CBFA2T3: variants seen among roughly 807,000 people sequenced by gnomAD.
CBFA2T3 encodes the protein CBFA2/RUNX1 partner transcriptional co-repressor 3.
CBFA2T3 carries 31 observed loss-of-function variants against 58.6 expected under a neutral mutation model. The observed-to-expected ratio is 0.53, with a 90% confidence interval of 0.40 to 0.71. CBFA2T3 has a LOEUF of 0.71. Among genes scored for constraint, CBFA2T3 ranks in the 30% least tolerant of loss-of-function variants. The pLI, the probability that CBFA2T3 is intolerant of heterozygous loss-of-function variation, is 0.00. For synonymous variants in CBFA2T3, 531 were observed against 421.9 expected, an observed-to-expected ratio of 1.26 and a Z score of -3.17; for missense variants, 1,076 against 963.1, an observed-to-expected ratio of 1.12 and a Z score of -1.55.
At chr16:88,877,300 C>T (rs1174320020) in intron 11 of CBFA2T3, 25 bp from the exon 12 acceptor site, 2 of 1,528,988 alleles carry the variant, frequency 1.3e-6, no homozygotes, top group South Asian at 1.2e-5. Context: ...AGGGGCCAGT[C>T]AGGGCTGGGT....
At chr16:88,948,423 C>G (rs975045468) in intron 1 of CBFA2T3, among the ~76,000 whole-genome samples, 1 of 152,240 alleles carries the variant, frequency 6.6e-6, no homozygotes, top group Admixed American at 6.5e-5. Flanking sequence ...AGGACCCACA[C>G]TGGCCCAAGC....
chr16:88,948,846 T>A (rs574060261), intron 1 of CBFA2T3, among the ~76,000 whole-genome samples: 5 of 152,328 alleles, frequency 3.3e-5, no homozygotes, highest in African/African-American at 1.2e-4. Context: ...TTTGTTGAAG[T>A]TCACACGAGA....
chr16:88,881,675 G>A, intron 8 of CBFA2T3, 186 bp from the exon 9 acceptor site: 1 of 582,338 alleles, frequency 1.7e-6, no homozygotes, highest in South Asian at 2.4e-5. Context: ...GCCTGGGACT[G>A]CCGAGCGCCT....
chr16:88,977,034 C>T lies in CBFA2T3; in HGVS notation c.-227G>A, dbSNP rs1453543113. On this transcript the variant is annotated 5_prime_UTR_variant, in exon 1 of 12. Transcript: ENST00000268679. ...GCCCTGGGGCTCATGTGACGCGGGGCGGGCCTGGGGCTGCAGGCTGGGGAA... is the reference window on the plus strand; with the variant it reads ...GCCCTGGGGCTCATGTGACGCGGGGTGGGCCTGGGGCTGCAGGCTGGGGAA... The T allele has an allele frequency of 1.7e-5, 8 of 467,926 alleles. No individual in the cohort carries two copies. Among genetic ancestry groups the T allele is most frequent in the Non-Finnish European group, 3.1e-5 (8 of 260,556 alleles). The allele number at this position is 467,926 out of a possible 1,614,324, so 29.0% of individuals were successfully genotyped here. A position where few individuals can be genotyped will look rare whatever the true frequency, so the allele number is the denominator to read the frequency against.
chr16:88,968,134 C>G (rs1046294442), intron 1 of CBFA2T3, among the ~76,000 whole-genome samples: 1 of 152,210 alleles, frequency 6.6e-6, no homozygotes, highest in Non-Finnish European at 1.5e-5. Flanking sequence ...TGCTGGGGCC[C>G]ACCTGGAGGA....
At chr16:88,907,217 G>A (rs970340065) in intron 1 of CBFA2T3, among the ~76,000 whole-genome samples, 8 of 152,108 alleles carry the variant, frequency 5.3e-5, no homozygotes, top group African/African-American at 1.9e-4. Flanking sequence ...GCAGAAGAAA[G>A]CATGGAATTT....
intron 1 of CBFA2T3, among the ~76,000 whole-genome samples, chr16:88,903,133 C>T (rs1158900427): frequency 1.3e-5 from 2 of 152,162 alleles, no homozygotes; most frequent in Admixed American, 6.5e-5. Flanking sequence ...CATCGTCAGA[C>T]GGAGAGATCC....
chr16:88,929,367 T>G (rs568289445), intron 1 of CBFA2T3, among the ~76,000 whole-genome samples: 1 of 152,174 alleles, frequency 6.6e-6, no homozygotes, highest in Non-Finnish European at 1.5e-5. Flanking sequence ...GAGGACCCGG[T>G]GACAGCAAGG....
intron 1 of CBFA2T3, among the ~76,000 whole-genome samples, chr16:88,949,448 A>C (rs1232345050): frequency 6.6e-6 from 1 of 151,908 alleles, no homozygotes; most frequent in Non-Finnish European, 1.5e-5. Context: ...AGTCCCAGCT[A>C]TTCGGGAGGC....
intron 3 of CBFA2T3, among the ~76,000 whole-genome samples, chr16:88,896,226 G>C (rs891726824): frequency 1.3e-5 from 2 of 152,190 alleles, no homozygotes; most frequent in African/African-American, 4.8e-5. Flanking sequence ...TTCCCTACGG[G>C]GGGGCTGCAG....
chr16:88,925,328 C>A (rs1971052360), intron 1 of CBFA2T3, among the ~76,000 whole-genome samples: 1 of 152,218 alleles, frequency 6.6e-6, no homozygotes. Context: ...GCTGCTCCCT[C>A]CTGAGCGGTG....
Position 88,905,349 on chromosome 16 carries a change from G to A in CBFA2T3, c.152-3693C>T, listed in dbSNP as rs112909909. 9.6e-3 allele frequency among the ~76,000 whole-genome samples: 1,460 copies of A among 151,900 alleles called. 22 individuals are homozygous for A. The highest frequency in any genetic ancestry group is 0.033 in the African/African-American group (1,378 of 41,292). On this transcript the variant is annotated intron_variant, in intron 1 of 11. Transcript: ENST00000268679. ...CATGCACGACCCCCCACCGCCCCTC[G>A]TTCCCTCTGGGATTCAGCTTCAACC... is the stretch of plus-strand genomic sequence containing the variant.
chr16:88,923,341 C>T (rs926311699), intron 1 of CBFA2T3, among the ~76,000 whole-genome samples: 5 of 152,226 alleles, frequency 3.3e-5, no homozygotes, highest in Non-Finnish European at 7.3e-5. Context: ...CTGCCTGCCT[C>T]CTTTTCCAGG....
intron 1 of CBFA2T3, among the ~76,000 whole-genome samples, chr16:88,922,131 T>A (rs1970942067): frequency 6.6e-6 from 1 of 152,230 alleles, no homozygotes; most frequent in Non-Finnish European, 1.5e-5. Flanking sequence ...GAGGCTGGCC[T>A]GCGCCACACT....
chr16:88,937,919 G>T (rs1213013833), intron 1 of CBFA2T3: 1 of 152,254 alleles, frequency 6.6e-6, no homozygotes, highest in Non-Finnish European at 1.5e-5. Flanking sequence ...GACATCGGTT[G>T]CCTGGACGTG....
intron 1 of CBFA2T3, among the ~76,000 whole-genome samples, chr16:88,949,535 G>A (rs1172803306): frequency 2.6e-5 from 4 of 151,348 alleles, no homozygotes; most frequent in South Asian, 2.1e-4. Flanking sequence ...ACTCCAGCCC[G>A]GGTGACAGAG....
chr16:88,969,877 G>A (rs927798668), intron 1 of CBFA2T3, among the ~76,000 whole-genome samples: 1 of 152,228 alleles, frequency 6.6e-6, no homozygotes, highest in South Asian at 2.1e-4. Flanking sequence ...CAAGGCTGTG[G>A]GTTCACCCCA....
At chr16:88,971,753 C>T (rs535346691) in intron 1 of CBFA2T3, among the ~76,000 whole-genome samples, 3 of 152,360 alleles carry the variant, frequency 2.0e-5, no homozygotes, top group Admixed American at 6.5e-5. Flanking sequence ...CTCCAGCTGC[C>T]CCTGGCCGAC....
intron 1 of CBFA2T3, among the ~76,000 whole-genome samples, chr16:88,967,955 A>G (rs906474304): frequency 1.3e-5 from 2 of 152,206 alleles, no homozygotes; most frequent in Admixed American, 1.3e-4. Flanking sequence ...TGGCCTCCAG[A>G]ATGTCACCAT....
Sources: allele counts gnomAD v4.1 joint callset (sites outside exome capture counted in the v4.1 genomes callset), GRCh38; gene constraint gnomAD v4.1.1; transcripts MANE v1.5; gene names NCBI Gene and HGNC (gene_info 2026-07-23, HGNC 2026-07-21).